Variants in TNS3 observed in about 807,000 individuals in gnomAD.
TNS3 encodes the protein tensin 3, also known as tensin-3.
In TNS3, 45 loss-of-function variants were observed where a neutral mutation model predicts 140.9. That is an observed-to-expected ratio of 0.32 (90% CI 0.25 to 0.41). TNS3 has a LOEUF of 0.41. Ranked by LOEUF, TNS3 falls within the 10% of genes least tolerant of loss-of-function variation. The pLI, the probability that TNS3 is intolerant of heterozygous loss-of-function variation, is 1.00. For missense variants in TNS3, 1,716 were observed against 1,906.7 expected (o/e 0.90, Z 1.86); for synonymous variants, 815 against 788.4 (o/e 1.03, Z -0.56).
Position 47,297,145 on chromosome 7 carries a change from C to A in TNS3, c.3613G>T (p.Ala1205Ser), listed in dbSNP as rs755646376. 7 of 1,613,968 alleles carry A rather than the reference C, an allele frequency of 4.3e-6. No homozygotes were observed. The highest frequency in any genetic ancestry group is 3.3e-5 in the Admixed American group (2 of 59,962). ...GCCACCTTCATGGCCAGGCCATAGGCCCCTCGGAAGGAATGGCTGTCTCGA... is the reference window on the plus strand; with the variant it reads ...GCCACCTTCATGGCCAGGCCATAGGACCCTCGGAAGGAATGGCTGTCTCGA... ...IVRDSHSFRG[A>S]YGLAMKVATP... The change falls in exon 24 of 31, where the codon GCC becomes TCC. Residue 1205 changes from alanine (A) to serine (S), a missense_variant. This residue lies in a region of TNS3 where 1,163 missense variants were observed against 1,182.1 expected (regional missense o/e 0.98). Transcript: ENST00000311160.
intron 20 of TNS3, among the ~76,000 whole-genome samples, chr7:47,311,451 T>G (rs1342185318): frequency 6.6e-6 from 1 of 151,420 alleles, no homozygotes; most frequent in East Asian, 1.9e-4. Flanking sequence ...TACATATATA[T>G]ATAGAGAGAG....
chr7:47,483,806 T>C (rs1008707314), intron 3 of TNS3, among the ~76,000 whole-genome samples: 2 of 152,344 alleles, frequency 1.3e-5, no homozygotes, highest in African/African-American at 4.8e-5. Context: ...ACGGCTTATA[T>C]GGCTAACCGG....
intron 15 of TNS3, among the ~76,000 whole-genome samples, chr7:47,399,080 G>GAAAAAAAAAA: frequency 1.1e-5 from 1 of 93,606 alleles, no homozygotes; most frequent in East Asian, 2.9e-4. Context: ...TACGACAGCT[G>GAAAAAAAAAA]AAAAAAAAAA....
chr7:47,530,838 A>AAAAAATATATATATATATAT, intron 1 of TNS3, among the ~76,000 whole-genome samples: 8 of 54,564 alleles, frequency 1.5e-4, no homozygotes, highest in African/African-American at 2.4e-4. Flanking sequence ...AAAAAAAAAA[A>AAAAAATATATATATATATAT]ATATATATAT....
chr7:47,367,449 G>T (rs1165220264), intron 17 of TNS3, among the ~76,000 whole-genome samples: 1 of 152,206 alleles, frequency 6.6e-6, no homozygotes, highest in Non-Finnish European at 1.5e-5. Context: ...TGAAGATAGT[G>T]CTGCTGTAAC....
At chr7:47,547,512 G>C (rs1449647865) in intron 1 of TNS3, among the ~76,000 whole-genome samples, 1 of 152,102 alleles carries the variant, frequency 6.6e-6, no homozygotes, top group East Asian at 1.9e-4. Context: ...GCTCCTCCCA[G>C]ACCTCTAGGT....
intron 2 of TNS3, among the ~76,000 whole-genome samples, chr7:47,527,206 C>CA (rs1223841278): frequency 6.6e-6 from 1 of 152,134 alleles, no homozygotes; most frequent in African/African-American, 2.4e-5. Flanking sequence ...CACTGCACTG[C>CA]AGCCTGGGTG....
At chr7:47,450,856 G>A (rs1795981498) in intron 4 of TNS3, among the ~76,000 whole-genome samples, 1 of 152,388 alleles carries the variant, frequency 6.6e-6, no homozygotes, top group South Asian at 2.1e-4. Flanking sequence ...GAAGCCCTTG[G>A]CAGGGCATGG....
At chr7:47,285,779 G>A (rs962184619) in intron 27 of TNS3, among the ~76,000 whole-genome samples, 9 of 152,194 alleles carry the variant, frequency 5.9e-5, no homozygotes, top group African/African-American at 1.9e-4. Flanking sequence ...AGACATTTGT[G>A]CCACATATTC....
intron 4 of TNS3, among the ~76,000 whole-genome samples, chr7:47,474,588 A>AAGACACACGAC (rs1797100563): frequency 6.7e-6 from 1 of 149,510 alleles, no homozygotes. Context: ...CAACACACAC[A>AAGACACACGAC]AGACACACCT....
chr7:47,569,276 C>T (rs1800497624), intron 1 of TNS3, among the ~76,000 whole-genome samples: 1 of 152,232 alleles, frequency 6.6e-6, no homozygotes, highest in Non-Finnish European at 1.5e-5. Flanking sequence ...GGCGCAGTGG[C>T]TCACGCCTGT....
intron 17 of TNS3, among the ~76,000 whole-genome samples, chr7:47,360,562 G>A (rs1790255933): frequency 6.6e-6 from 1 of 152,170 alleles, no homozygotes; most frequent in Non-Finnish European, 1.5e-5. Context: ...TGGGTCCTAG[G>A]ACCTCACTCA....
At chr7:47,566,220 A>C (rs1297926763) in intron 1 of TNS3, among the ~76,000 whole-genome samples, 2 of 152,226 alleles carry the variant, frequency 1.3e-5, no homozygotes, top group South Asian at 2.1e-4. Flanking sequence ...ACTCGTCCAA[A>C]AACATGGACT....
At chr7:47,553,899 G>A (rs919960296) in intron 1 of TNS3, among the ~76,000 whole-genome samples, 2 of 151,876 alleles carry the variant, frequency 1.3e-5, no homozygotes, top group East Asian at 2.0e-4. Flanking sequence ...TCCACCTCGA[G>A]GTTCAAGCGA....
intron 19 of TNS3, 35 bp from the exon 20 acceptor site, chr7:47,344,873 C>G (rs1183807944): frequency 2.5e-6 from 4 of 1,613,326 alleles, no homozygotes; most frequent in African/African-American, 1.3e-5. Flanking sequence ...GCTGTTGTCA[C>G]CCTCCTTGGG....
rs377526437 is a variant in TNS3 at position 47,304,855 on chromosome 7, G to A, written c.2799C>T (p.Asn933=). The A allele has an allele frequency of 1.6e-5, 22 of 1,388,138 alleles. No individual in the cohort carries two copies. Among genetic ancestry groups the A allele is most frequent in the South Asian group, 5.7e-5 (3 of 52,628 alleles). 86.0% of individuals were successfully genotyped at this position (1,388,138 alleles called of 1,614,324 possible). ...AFASSCTISS[N]GPGQRRESSS... ...ACCTCTCTCTCCTCTGCCCAGGGCC[G>A]TTGCTGGAAATGGTGCAGGAAGAAG... is the stretch of plus-strand genomic sequence containing the variant. Residue 933 remains asparagine, a synonymous_variant, in exon 21 of 31, where the codon AAC becomes AAT. Coordinates refer to ENST00000311160, the MANE Select transcript of TNS3 (RefSeq NM_022748.12).
At chr7:47,467,366 C>A (rs1020590009) in intron 4 of TNS3, among the ~76,000 whole-genome samples, 1 of 152,214 alleles carries the variant, frequency 6.6e-6, no homozygotes, top group Non-Finnish European at 1.5e-5. Flanking sequence ...TCTTTCTCTA[C>A]GATTGAGTCT....
At chr7:47,437,184 A>T in intron 7 of TNS3, 79 bp downstream of exon 7, 1 of 907,148 alleles carries the variant, frequency 1.1e-6, no homozygotes, top group Non-Finnish European at 1.7e-6. Context: ...CACAAAGACT[A>T]GTAGCAAATT....
chr7:47,428,835 C>A (rs1794788181), intron 8 of TNS3, among the ~76,000 whole-genome samples: 1 of 152,222 alleles, frequency 6.6e-6, no homozygotes, highest in African/African-American at 2.4e-5. Context: ...GCACTGCCGG[C>A]ACCTGAGCTC....
Sources: allele counts gnomAD v4.1 joint callset (sites outside exome capture counted in the v4.1 genomes callset), GRCh38; gene constraint gnomAD v4.1.1; regional missense constraint gnomAD v4.1.1; transcripts MANE v1.5; gene names NCBI Gene and HGNC (gene_info 2026-07-23, HGNC 2026-07-21).